GAGE13: variants seen among roughly 807,000 people sequenced by gnomAD.
GAGE13 encodes the protein G antigen 12A.
rs781895058 is a variant in GAGE13, at chrX:49,337,738, T to G, written c.332-1098T>G. Among the ~76,000 whole-genome samples, 3 of 55,507 alleles carry G rather than the reference T, an allele frequency of 5.4e-5. No homozygotes were observed. The East Asian group carries it at 1.3e-3, about 24-fold the overall frequency. The allele number at this position is 55,507 out of a possible 115,157, so 48.2% of individuals were successfully genotyped here. ...GCACGTTGTGCAGGTTAGTTACATA[T>G]GTATACATGTGCCATGCTGGTGCGC... On this transcript the variant is annotated intron_variant, in intron 4 of 4. Transcript: ENST00000612958.
intron 4 of GAGE13, among the ~76,000 whole-genome samples, chrX:49,337,681 T>C (rs2066488760): frequency 1.5e-5 from 1 of 64,737 alleles, no homozygotes; most frequent in African/African-American, 4.6e-5. Flanking sequence ...TTTATTTATT[T>C]ATTGTTATAC....
chrX:49,337,683 T>C lies in GAGE13; in HGVS notation c.332-1153T>C, dbSNP rs1440415047. The stretch of plus-strand genomic sequence containing the variant: ...ATTTATTTATTTATTTATTTATTTA[T>C]TGTTATACTTTAAGTTTTAGGGTAC... On this transcript the variant is annotated intron_variant, in intron 4 of 4. Coordinates refer to ENST00000612958, the MANE Select transcript of GAGE13 (RefSeq NM_001098412.4). Among the ~76,000 whole-genome samples the C allele has an allele frequency of 3.1e-5, 2 of 63,897 alleles. 1 individual carries two copies. Among genetic ancestry groups the C allele is most frequent in the South Asian group, 1.6e-3 (2 of 1,236 alleles). The allele number at this position is 63,897 out of a possible 115,157, so 55.5% of individuals were successfully genotyped here. A position where few individuals can be genotyped will look rare whatever the true frequency, so the allele number is the denominator to read the frequency against.
chrX:49,332,078 G>GC, intron 1 of GAGE13, among the ~76,000 whole-genome samples: 1 of 80,503 alleles, frequency 1.2e-5, no homozygotes, highest in Admixed American at 1.3e-4. Flanking sequence ...CCTGGTGAGC[G>GC]CCCCCGCAGC....
At chrX:49,337,728 T>G (rs1448764915) in intron 4 of GAGE13, among the ~76,000 whole-genome samples, 1 of 61,448 alleles carries the variant, frequency 1.6e-5, no homozygotes, top group Non-Finnish European at 3.6e-5. Context: ...TTGTGCAGGT[T>G]AGTTACATAT....
chrX:49,335,411 T>A (rs1469721980), intron 3 of GAGE13, among the ~76,000 whole-genome samples: 2 of 111,813 alleles, frequency 1.8e-5, no homozygotes, highest in African/African-American at 6.4e-5. Context: ...TTTTTTTTTC[T>A]TTGTTGAGAC....
chrX:49,335,457 A>G (rs1771759175), intron 3 of GAGE13, among the ~76,000 whole-genome samples: 1 of 109,654 alleles, frequency 9.1e-6, no homozygotes, highest in Admixed American at 9.6e-5. Flanking sequence ...GGAGTGCAGT[A>G]GTGCGATCTC....
intron 3 of GAGE13, among the ~76,000 whole-genome samples, chrX:49,335,122 G>A (rs1347459244): frequency 9.4e-5 from 4 of 42,476 alleles, no homozygotes; most frequent in Admixed American, 3.3e-4. Context: ...GTCTCTTACC[G>A]TGCTGCCCAC....
chrX:49,332,238 G>A (rs2066466662), intron 1 of GAGE13, among the ~76,000 whole-genome samples: 1 of 80,050 alleles, frequency 1.2e-5, no homozygotes, highest in Non-Finnish European at 3.2e-5. Flanking sequence ...GGAAGTGGGA[G>A]TGTGCCCAAA....
In GAGE13 at chrX:49,331,632, G is replaced by A. The variant is rs1291558137; in HGVS notation, c.-66G>A. On this transcript the variant is annotated 5_prime_UTR_variant, in exon 1 of 5. Coordinates refer to ENST00000612958, the MANE Select transcript of GAGE13 (RefSeq NM_001098412.4). Reference sequence around the variant, plus strand: ...CGTGAAGAACGCCAGGGAGCTGTGAGGCAGTGCTGTGTGGTTCCTGCCGTC... The same window carrying A: ...CGTGAAGAACGCCAGGGAGCTGTGAAGCAGTGCTGTGTGGTTCCTGCCGTC... 39 of 59,421 alleles carry A rather than the reference G, an allele frequency of 6.6e-4. No homozygotes were observed. Among genetic ancestry groups the A allele is most frequent in the Non-Finnish European group, 1.8e-3 (38 of 20,761 alleles). 4.9% of individuals were successfully genotyped at this position (59,421 alleles called of 1,213,427 possible). A position where few individuals can be genotyped will look rare whatever the true frequency, so the allele number is the denominator to read the frequency against.
At chrX:49,331,875 A>C in intron 1 of GAGE13, among the ~76,000 whole-genome samples, 186 bp downstream of exon 1, 1 of 77,298 alleles carries the variant, frequency 1.3e-5, no homozygotes, top group Non-Finnish European at 3.4e-5. Context: ...AGGGGCCTGG[A>C]CGGGGAGGAA....
intron 2 of GAGE13, 54 bp downstream of exon 2, chrX:49,332,875 T>C: frequency 9.3e-7 from 1 of 1,075,446 alleles, no homozygotes; most frequent in East Asian, 3.3e-5. Flanking sequence ...TTAATTTTTG[T>C]GATAGCGTTG....
chrX:49,333,312 AACCAGCAAC>A lies in GAGE13; in HGVS notation c.114_122del (p.Ala39_Pro41del), dbSNP rs2066473850. The A allele has an allele frequency of 1.1e-6, 1 of 952,105 alleles. No individual in the cohort carries two copies. Among genetic ancestry groups the A allele is most frequent in the Admixed American group, 2.4e-5 (1 of 41,782 alleles). The allele number at this position is 952,105 out of a possible 1,213,427, so 78.5% of individuals were successfully genotyped here. A position where few individuals can be genotyped will look rare whatever the true frequency, so the allele number is the denominator to read the frequency against. ...CCCGAGCAGTTCAGTGATGAAGTGG[AACCAGCAAC>A]ACCTGAAGAAGGGGAACCAGCAACT... On this transcript the variant is annotated inframe_deletion, in exon 3 of 5. Coordinates refer to ENST00000612958, the MANE Select transcript of GAGE13 (RefSeq NM_001098412.4).
intron 3 of GAGE13, among the ~76,000 whole-genome samples, chrX:49,335,159 A>G (rs1336076916): frequency 0.027 from 6 of 221 alleles, no homozygotes; most frequent in African/African-American, 0.11. Context: ...ACACACACAT[A>G]CATACGGATA....
intron 3 of GAGE13, among the ~76,000 whole-genome samples, chrX:49,335,141 A>T (rs1199761621): frequency 9.9e-4 from 1 of 1,014 alleles, no homozygotes; most frequent in Non-Finnish European, 3.4e-3. Flanking sequence ...ACACACTCAC[A>T]CACACACACA....
At chrX:49,332,012 C>T (rs2066465385) in intron 1 of GAGE13, among the ~76,000 whole-genome samples, 1 of 80,558 alleles carries the variant, frequency 1.2e-5, no homozygotes, top group Non-Finnish European at 3.2e-5. Flanking sequence ...AATGGGGTCC[C>T]CGGCGGGGGC....
At chrX:49,335,240 C>A (rs1429904100) in intron 3 of GAGE13, among the ~76,000 whole-genome samples, 2 of 105,821 alleles carry the variant, frequency 1.9e-5, no homozygotes, top group Non-Finnish European at 4.0e-5. Context: ...ACCCTATGTA[C>A]TTGAGGGTGT....
intron 3 of GAGE13, among the ~76,000 whole-genome samples, chrX:49,335,440 C>T (rs1205022514): frequency 1.8e-5 from 2 of 110,855 alleles, no homozygotes; most frequent in Non-Finnish European, 3.8e-5. Flanking sequence ...TCTCTGTGGG[C>T]CAGGTTGGAG....
At chrX:49,333,473 CACGTGTGT>C in intron 3 of GAGE13, 66 bp downstream of exon 3, 1 of 246,746 alleles carries the variant, frequency 4.1e-6, no homozygotes, top group African/African-American at 4.5e-5. Flanking sequence ...TGTGTGTGTG[CACGTGTGT>C]GTGTGTGTGT....
intron 1 of GAGE13, among the ~76,000 whole-genome samples, chrX:49,331,967 C>T (rs1453408620): frequency 4.1e-4 from 33 of 80,390 alleles, no homozygotes; most frequent in Non-Finnish European, 8.9e-4. Flanking sequence ...TCCCGAGGTG[C>T]CGGGAACCCC....
Sources: gnomAD v4.1 joint callset for allele counts (sites outside exome capture counted in the v4.1 genomes callset) on GRCh38, gnomAD v4.1.1 for gene constraint, MANE v1.5 for transcripts, NCBI Gene and HGNC (gene_info 2026-07-23, HGNC 2026-07-21) for gene names.